Variants in MYO19 observed in about 807,000 individuals in gnomAD.
MYO19 encodes unconventional myosin-XIX.
A neutral mutation model predicts 129.2 loss-of-function variants in MYO19; 132 were observed. The observed-to-expected ratio is 1.02, with a 90% CI of 0.89 to 1.18. The LOEUF (loss-of-function observed/expected upper bound fraction) is 1.18, where lower values mean the gene tolerates loss of function less well. Ranked by LOEUF, MYO19 falls within the 50% of genes most tolerant of loss-of-function variation. The probability of loss-of-function intolerance (pLI) is 0.00; values close to 1 mark genes in which losing one functional copy is unlikely to be tolerated. For missense variants in MYO19, 1,210 were observed against 1,216.7 expected (o/e 0.99, Z 0.08); for synonymous variants, 531 against 477.2 (o/e 1.11, Z -1.47).
chr17:36,532,743 C>G, intron 2 of MYO19, 62 bp from the exon 3 acceptor site: 1 of 630,904 alleles, frequency 1.6e-6, no homozygotes, highest in Non-Finnish European at 2.8e-6. Flanking sequence ...GAGTGACTCA[C>G]TCACTCCTTC....
upstream of MYO19, chr17:36,535,433 G>C (rs1408828948): frequency 6.6e-6 from 1 of 152,286 alleles, no homozygotes; most frequent in East Asian, 1.9e-4. Context: ...GCGGAGACGC[G>C]CGGAATCGGC....
At chr17:36,506,936 C>G in intron 17 of MYO19, 27 bp downstream of exon 17, 2 of 1,546,664 alleles carry the variant, frequency 1.3e-6, no homozygotes, top group Non-Finnish European at 1.8e-6. Context: ...TTCTCGCAGG[C>G]CCCACAGGGC....
intron 20 of MYO19, 135 bp downstream of exon 20, chr17:36,503,815 A>T: frequency 1.6e-6 from 1 of 641,988 alleles, no homozygotes; most frequent in Non-Finnish European, 2.5e-6. Context: ...CCTAGTTCCC[A>T]GCTGACTTCT....
rs543179459 is a variant in MYO19 at position 36,525,348 on chromosome 17, C to A, written c.301-7G>T. The A allele has an allele frequency of 6.3e-7, 1 of 1,597,692 alleles. No individual in the cohort carries two copies. Among genetic ancestry groups the A allele is most frequent in the Non-Finnish European group, 8.6e-7 (1 of 1,165,626 alleles). On this transcript the variant is annotated splice_polypyrimidine_tract_variant and splice_region_variant and intron_variant, in intron 5 of 25. Transcript: ENST00000614623. ...ACACATGGGGCTTCAGTTTCTGGAA[C>A]ATCAAGGAGTGAAAGGTCATGTGAG...
At chr17:36,512,779 T>C in intron 11 of MYO19, 1 of 1,287,872 alleles carries the variant, frequency 7.8e-7, no homozygotes, top group East Asian at 5.6e-5. Context: ...CTCCTGCTGC[T>C]CTAGAGGGTG....
chr17:36,507,880 G>T lies in MYO19; in HGVS notation c.1276C>A (p.Leu426Met). The T allele has an allele frequency of 6.2e-7, 1 of 1,612,836 alleles. No homozygotes were observed. Among genetic ancestry groups the T allele is most frequent in the East Asian group, 2.2e-5 (1 of 44,852 alleles). The change falls in exon 15 of 26, where the codon CTG (leucine) becomes ATG (methionine). Residue 426 changes from leucine (L) to methionine (M), a missense_variant. Leu to Met is a conservative substitution (Grantham distance 15, BLOSUM62 2). Coordinates refer to ENST00000614623, the MANE Select transcript of MYO19 (RefSeq NM_001163735.2). The part of the protein sequence containing the change: ...YGFESFPDNS[L>M]EQLCINYANE... ...GCGTAGTTGATGCACAACTGTTCCA[G>T]ACTGTTGTCAGGAAATGATTCAAAT...
At chr17:36,515,795 T>C in intron 7 of MYO19, 63 bp downstream of exon 7, 1 of 1,556,202 alleles carries the variant, frequency 6.4e-7, no homozygotes, top group Non-Finnish European at 8.8e-7. Flanking sequence ...TCCCTCTCCC[T>C]GGAAGGTGGA....
In MYO19 at chr17:36,507,855, G is replaced by C. The variant is rs1455500501; in HGVS notation, c.1301C>G (p.Ala434Gly). The C allele has an allele frequency of 6.2e-7, 1 of 1,613,582 alleles. No homozygotes were observed. Among genetic ancestry groups the C allele is most frequent in the Non-Finnish European group, 8.5e-7 (1 of 1,179,720 alleles). The change falls in exon 15 of 26, where the codon GCC becomes GGC. Residue 434 changes from alanine to glycine, a missense_variant. By Grantham distance (60) the Ala-to-Gly change is moderately conservative. Transcript: ENST00000614623. ...NSLEQLCINY[A>G]NEKLQQHFVA... Reference sequence around the variant, plus strand: ...AAAATGCTGCTGCAGCTTCTCATTGGCGTAGTTGATGCACAACTGTTCCAG... The same window carrying C: ...AAAATGCTGCTGCAGCTTCTCATTGCCGTAGTTGATGCACAACTGTTCCAG...
At chr17:36,514,733 C>G (rs995788500) in intron 8 of MYO19, among the ~76,000 whole-genome samples, 185 bp from the exon 9 acceptor site, 1 of 152,232 alleles carries the variant, frequency 6.6e-6, no homozygotes, top group Non-Finnish European at 1.5e-5. Context: ...TATTCCCCTG[C>G]ATCTAGCTCA....
chr17:36,503,009 C>G (rs1426289630), intron 21 of MYO19, 88 bp downstream of exon 21: 6 of 1,116,014 alleles, frequency 5.4e-6, no homozygotes, highest in Non-Finnish European at 8.1e-6. Flanking sequence ...CACCAGTAAG[C>G]CCCAGCCCCT....
intron 20 of MYO19, 24 bp downstream of exon 20, chr17:36,503,926 T>C: frequency 6.4e-7 from 1 of 1,568,204 alleles, no homozygotes; most frequent in Non-Finnish European, 8.6e-7. Flanking sequence ...GGCCCTGCAC[T>C]GTGCCGTGAT....
chr17:36,532,986 C>T (rs1051928455), intron 2 of MYO19, among the ~76,000 whole-genome samples: 1 of 152,108 alleles, frequency 6.6e-6, no homozygotes, highest in Non-Finnish European at 1.5e-5. Context: ...AGCCTTGTGC[C>T]CTATCCTCTA....
intron 14 of MYO19, 131 bp downstream of exon 14, chr17:36,508,931 G>A: frequency 1.4e-6 from 1 of 733,324 alleles, no homozygotes; most frequent in South Asian, 1.6e-5. Context: ...CTGGCAGGCA[G>A]ATGCAAGAGG....
chr17:36,515,987 A>T lies in MYO19; in HGVS notation c.418T>A (p.Trp140Arg), dbSNP rs371708047. Residue 140 changes from tryptophan to arginine, a missense_variant, in exon 7 of 26, where the codon TGG becomes AGG. Transcript: ENST00000614623. The stretch of plus-strand genomic sequence containing the variant: ...AACTTCATTAGGCAGCGAGACGTCC[A>T]TGTCTGTGGCAGAAACAGCCCTGTG... ...VSGESGAGKTWTSRCLMKFYA... is the reference protein window; with the variant it reads ...VSGESGAGKTRTSRCLMKFYA... 434 of 1,610,232 alleles carry T rather than the reference A, an allele frequency of 2.7e-4. No homozygotes were observed. The highest frequency in any genetic ancestry group is 3.4e-4 in the Non-Finnish European group (398 of 1,178,292).
rs1278145083 is a variant in MYO19, at chr17:36,534,816, G to A, written c.-351C>T. 2 of 152,560 alleles carry A rather than the reference G, an allele frequency of 1.3e-5. No individual in the cohort carries two copies. Among genetic ancestry groups the A allele is most frequent in the South Asian group, 2.1e-4 (1 of 4,846 alleles). 9.5% of individuals were successfully genotyped at this position (152,560 alleles called of 1,614,324 possible). ...GGCCCCCGCCCGGCCAGACTGGAAA[G>A]GCGGGCGGGCCAGGTCAGGCGGCGG... On this transcript the variant is annotated 5_prime_UTR_variant, in exon 1 of 26. Coordinates refer to ENST00000614623, the MANE Select transcript of MYO19 (RefSeq NM_001163735.2).
chr17:36,496,260 C>T lies in MYO19; in HGVS notation c.2904G>A (p.Gly968=). The T allele has an allele frequency of 6.2e-7, 1 of 1,613,962 alleles. No individual in the cohort carries two copies. Among genetic ancestry groups the T allele is most frequent in the Non-Finnish European group, 8.5e-7 (1 of 1,179,852 alleles). ...LIHVTSSAFT[G]LG ...ACAAAGGCACCAAGGATCACCCCAG[C>T]CCAGTGAAGGCAGAAGAGGTCACGT... The change falls in exon 26 of 26, where the codon GGG becomes GGA. Residue 968 remains glycine, a synonymous_variant. Transcript: ENST00000614623.
chr17:36,522,128 C>A (rs1411443145), intron 6 of MYO19, among the ~76,000 whole-genome samples: 1 of 151,900 alleles, frequency 6.6e-6, no homozygotes, highest in Non-Finnish European at 1.5e-5. Flanking sequence ...AAAACCCAGC[C>A]AAAATATCCA....
chr17:36,518,548 A>ATG (rs1173669802), intron 6 of MYO19, among the ~76,000 whole-genome samples: 1 of 108,122 alleles, frequency 9.2e-6, no homozygotes, highest in African/African-American at 3.7e-5. Flanking sequence ...ATATATATAT[A>ATG]TATATGTGTA....
upstream of MYO19, chr17:36,537,499 G>C: frequency 1.9e-6 from 3 of 1,614,036 alleles, no homozygotes; most frequent in Non-Finnish European, 2.5e-6. Flanking sequence ...TCCTGTTTCC[G>C]TGTAATTACC....
Sources: gnomAD v4.1 joint callset for allele counts (sites outside exome capture counted in the v4.1 genomes callset) on GRCh38, gnomAD v4.1.1 for gene constraint, MANE v1.5 for transcripts, NCBI Gene and HGNC (gene_info 2026-07-23, HGNC 2026-07-21) for gene names.